The following TOX variants were observed in gnomAD, a reference collection of about 807,000 sequenced individuals.
TOX encodes thymocyte selection-associated high mobility group box protein TOX.
Under a neutral mutation model 53.7 loss-of-function variants are expected in TOX, and 11 were observed. The ratio of observed to expected loss-of-function variants is 0.20; its 90% confidence interval spans 0.13 to 0.34. The LOEUF (loss-of-function observed/expected upper bound fraction) is 0.34, where lower values mean the gene tolerates loss of function less well. Among genes scored for constraint, TOX ranks in the 10% least tolerant of loss-of-function variants. The pLI, the probability that TOX is intolerant of heterozygous loss-of-function variation, is 1.00. For synonymous variants in TOX, 225 were observed against 245.3 expected (o/e 0.92, Z 0.77); for missense variants, 570 against 664.6 (o/e 0.86, Z 1.56).
At chr8:58,848,713 G>A (rs1186493501) in intron 4 of TOX, among the ~76,000 whole-genome samples, 1 of 152,036 alleles carries the variant, frequency 6.6e-6, no homozygotes, top group Non-Finnish European at 1.5e-5. Context: ...TATGACTTAA[G>A]GCTGTCAACA....
At chr8:59,106,164 C>T (rs1032525150) in intron 1 of TOX, among the ~76,000 whole-genome samples, 4 of 152,128 alleles carry the variant, frequency 2.6e-5, no homozygotes, top group Admixed American at 2.6e-4. Context: ...TATGAACCTT[C>T]CACCTCTCAG....
At chr8:58,960,108 A>C in intron 1 of TOX, 100 bp from the exon 2 acceptor site, 1 of 1,303,430 alleles carries the variant, frequency 7.7e-7, no homozygotes, top group Non-Finnish European at 1.1e-6. Context: ...ACTGGAAAAC[A>C]GTAGCCATAA....
intron 3 of TOX, among the ~76,000 whole-genome samples, chr8:58,862,132 AC>A (rs1285463525): frequency 6.6e-6 from 1 of 152,136 alleles, no homozygotes; most frequent in Non-Finnish European, 1.5e-5. Context: ...ATAGCATGAA[AC>A]GAAGACAGGA....
At chr8:58,936,061 C>T (rs2129176149) in intron 3 of TOX, among the ~76,000 whole-genome samples, 1 of 152,290 alleles carries the variant, frequency 6.6e-6, no homozygotes, top group East Asian at 1.9e-4. Context: ...GTCCTATTGC[C>T]AGAAGGATTT....
Position 59,017,660 on chromosome 8 carries a change from G to T in TOX, c.103-57652C>A, listed in dbSNP as rs535811506. On this transcript the variant is annotated intron_variant, in intron 1 of 8. Coordinates refer to ENST00000361421, the MANE Select transcript of TOX (RefSeq NM_014729.3). ...ACAAGAACAATTACGTTGAATATGTGATAGACAGTATAATAAGCCATGCTT... is the reference window on the plus strand; with the variant it reads ...ACAAGAACAATTACGTTGAATATGTTATAGACAGTATAATAAGCCATGCTT... Among the ~76,000 whole-genome samples, 10 of 152,288 alleles carry T rather than the reference G, an allele frequency of 6.6e-5. No individual in the cohort carries two copies. In the South Asian group the frequency reaches 1.7e-3, roughly 25 times the overall value.
In TOX at chr8:59,005,537, A is replaced by C. The variant is rs146083803; in HGVS notation, c.103-45529T>G. Among the ~76,000 whole-genome samples the C allele has an allele frequency of 1.6e-4, 24 of 152,362 alleles. No homozygotes were observed. The East Asian group carries it at 4.4e-3, about 28-fold the overall frequency. On this transcript the variant is annotated intron_variant, in intron 1 of 8. Transcript: ENST00000361421. ...ACTTATCACACTGTTACATTTGTTA[A>C]AATAGTAGCACATTAACAATTTTAA...
chr8:58,934,602 C>T (rs1812314453), intron 3 of TOX, among the ~76,000 whole-genome samples: 1 of 152,136 alleles, frequency 6.6e-6, no homozygotes, highest in South Asian at 2.1e-4. Context: ...ATTTGAATCA[C>T]AATGATAAAT....
At chr8:58,882,694 T>C (rs1026490121) in intron 3 of TOX, among the ~76,000 whole-genome samples, 5 of 152,324 alleles carry the variant, frequency 3.3e-5, no homozygotes, top group East Asian at 1.9e-4. Context: ...CTTTTAACAA[T>C]AGACAAACTG....
At chr8:59,044,376 G>A (rs543284257) in intron 1 of TOX, among the ~76,000 whole-genome samples, 2 of 152,280 alleles carry the variant, frequency 1.3e-5, no homozygotes, top group Admixed American at 6.5e-5. Context: ...GACTGTGGTA[G>A]CTTGCTACTA....
At chr8:58,849,053 G>GA (rs1263993212) in intron 4 of TOX, among the ~76,000 whole-genome samples, 2 of 151,918 alleles carry the variant, frequency 1.3e-5, no homozygotes, top group East Asian at 1.9e-4. Flanking sequence ...ACATATAAAG[G>GA]AAAAAATCCA....
At chr8:59,042,130 C>T (rs1803599196) in intron 1 of TOX, among the ~76,000 whole-genome samples, 1 of 152,168 alleles carries the variant, frequency 6.6e-6, no homozygotes, top group South Asian at 2.1e-4. Flanking sequence ...TTAAAGCATT[C>T]TGATCGCTAC....
At chr8:58,934,087 G>A (rs1812304916) in intron 3 of TOX, among the ~76,000 whole-genome samples, 2 of 152,064 alleles carry the variant, frequency 1.3e-5, no homozygotes, top group South Asian at 4.2e-4. Context: ...TTGCATATTG[G>A]GTCATGAATG....
In TOX at chr8:59,046,280, C is replaced by G; in HGVS notation, c.102+72606G>C. 2.0e-5 allele frequency among the ~76,000 whole-genome samples: 3 copies of G among 152,206 alleles called. No homozygotes were observed. In the South Asian group the frequency reaches 6.2e-4, roughly 32 times the overall value. On this transcript the variant is annotated intron_variant, in intron 1 of 8. Transcript: ENST00000361421. ...CAATAAAAAAGTTTAAAACACTCAA[C>G]TAAGAATTAATAATGGCACTGCAGA... is the stretch of plus-strand genomic sequence containing the variant.
intron 1 of TOX, among the ~76,000 whole-genome samples, chr8:59,003,297 AT>A (rs1299705695): frequency 6.6e-6 from 1 of 152,198 alleles, no homozygotes; most frequent in East Asian, 1.9e-4. Context: ...AGTTATATTC[AT>A]TGAAATGTTT....
At chr8:58,858,253 C>T (rs553302881) in intron 3 of TOX, among the ~76,000 whole-genome samples, 16 of 152,280 alleles carry the variant, frequency 1.1e-4, no homozygotes, top group Non-Finnish European at 1.6e-4. Context: ...GGCACCAGAA[C>T]GATGGAGGGC....
chr8:58,950,161 A>G (rs955365289), intron 2 of TOX, among the ~76,000 whole-genome samples: 2 of 127,142 alleles, frequency 1.6e-5, no homozygotes, highest in Admixed American at 8.2e-5. Flanking sequence ...ACATGTGTAT[A>G]GTTCATATAC....
chr8:59,107,068 T>C (rs557030143), intron 1 of TOX, among the ~76,000 whole-genome samples: 1 of 138,448 alleles, frequency 7.2e-6, no homozygotes, highest in Admixed American at 7.6e-5. Flanking sequence ...GAACGTGACA[T>C]TTCTAATTCA....
At chr8:58,896,181 G>A (rs1284420853) in intron 3 of TOX, among the ~76,000 whole-genome samples, 3 of 152,024 alleles carry the variant, frequency 2.0e-5, no homozygotes, top group South Asian at 4.1e-4. Context: ...ACAGACAGAC[G>A]AATCAGGCCA....
At chr8:59,101,107 G>C (rs16924604) in intron 1 of TOX, among the ~76,000 whole-genome samples, 2,292 of 152,280 alleles carry the variant, frequency 0.015, 52 homozygotes, top group African/African-American at 0.053. Flanking sequence ...AAAGCGCAGA[G>C]AGGGTAAATG....
Sources: gnomAD v4.1 joint callset for allele counts (sites outside exome capture counted in the v4.1 genomes callset) on GRCh38, gnomAD v4.1.1 for gene constraint, MANE v1.5 for transcripts, NCBI Gene and HGNC (gene_info 2026-07-23, HGNC 2026-07-21) for gene names.